The following SNX13 variants were observed in gnomAD, a reference collection of about 807,000 sequenced individuals.
SNX13 encodes sorting nexin 13.
A neutral mutation model predicts 133.6 loss-of-function variants in SNX13; 45 were observed. That is an observed-to-expected ratio of 0.34 (90% CI 0.27 to 0.43). The LOEUF is 0.43. Among genes scored for constraint, SNX13 ranks in the 20% least tolerant of loss-of-function variants. The pLI is 1.00. For missense variants in SNX13, 1,032 were observed against 1,145.1 expected (o/e 0.90, Z 1.43); for synonymous variants, 414 against 373.9 (o/e 1.11, Z -1.24).
intron 8 of SNX13, 56 bp downstream of exon 8, chr7:17,873,472 A>G: frequency 7.9e-7 from 1 of 1,261,148 alleles, no homozygotes; most frequent in Non-Finnish European, 1.0e-6. Flanking sequence ...AAAAATTTTG[A>G]AAACTACTGC....
At chr7:17,935,743 T>C (rs916085556) in intron 1 of SNX13, among the ~76,000 whole-genome samples, 2 of 152,220 alleles carry the variant, frequency 1.3e-5, no homozygotes, top group African/African-American at 4.8e-5. Flanking sequence ...ACTGATGTCC[T>C]TCCACTCCCG....
intron 20 of SNX13, among the ~76,000 whole-genome samples, chr7:17,808,312 A>G (rs1785562657): frequency 6.6e-6 from 1 of 152,228 alleles, no homozygotes; most frequent in South Asian, 2.1e-4. Flanking sequence ...AAGCATACAC[A>G]ACTCTCAATA....
At chr7:17,810,176 C>G (rs1446635832) in intron 20 of SNX13, among the ~76,000 whole-genome samples, 5 of 152,016 alleles carry the variant, frequency 3.3e-5, no homozygotes, top group Non-Finnish European at 7.4e-5. Flanking sequence ...TCAGTGAGTC[C>G]AGGAGCTGGT....
chr7:17,830,513 T>G (rs1788369407), intron 15 of SNX13: 1 of 984,068 alleles, frequency 1.0e-6, no homozygotes. Flanking sequence ...ATAGGTCTAT[T>G]AAGTCCTCTT....
chr7:17,939,353 T>G (rs896910008), intron 1 of SNX13, among the ~76,000 whole-genome samples: 2 of 152,176 alleles, frequency 1.3e-5, no homozygotes, highest in Non-Finnish European at 2.9e-5. Flanking sequence ...GTGAAAGGCT[T>G]CGAAAAAGGT....
At chr7:17,931,502 TAAAAG>T (rs1274775815) in intron 1 of SNX13, among the ~76,000 whole-genome samples, 2 of 151,974 alleles carry the variant, frequency 1.3e-5, no homozygotes, top group Non-Finnish European at 1.5e-5. Context: ...AGCTCGAAAA[TAAAAG>T]AAATCACAAA....
rs547078179 is a variant in SNX13, at chr7:17,832,871, A to G, written c.1597+1181T>C. ...AAACTTCAGTAACTAGATTTCTTAG[A>G]TTATTTAAAAAACAAAATCTCACTA... is the stretch of plus-strand genomic sequence containing the variant. On this transcript the variant is annotated intron_variant, in intron 15 of 25. Coordinates refer to ENST00000428135, the MANE Select transcript of SNX13 (RefSeq NM_015132.5). 1.2e-4 allele frequency among the ~76,000 whole-genome samples: 18 copies of G among 151,604 alleles called. No homozygotes were observed. The South Asian group carries it at 3.7e-3, about 31-fold the overall frequency.
Position 17,873,594 on chromosome 7 carries a change from C to T in SNX13, c.687G>A (p.Glu229=), listed in dbSNP as rs1383755035. 6.4e-7 allele frequency: 1 copy of T among 1,570,854 alleles called. No homozygotes were observed. Among genetic ancestry groups the T allele is most frequent in the East Asian group, 2.3e-5 (1 of 43,134 alleles). The change falls in exon 8 of 26, where the codon GAG becomes GAA. Residue 229 remains glutamate (E), a synonymous_variant. Coordinates refer to ENST00000428135, the MANE Select transcript of SNX13 (RefSeq NM_015132.5). The stretch of plus-strand genomic sequence containing the variant: ...GAGGTAGCAATAAATATAGTAAGAC[C>T]TCACACAAATCCCTTAGGAATCCTA... ...DEEGFLRDLC[E]VLLYLLLPPG... is the part of the protein sequence containing the mutation.
chr7:17,910,399 GCTTT>G (rs1798835842), intron 1 of SNX13, among the ~76,000 whole-genome samples: 1 of 152,120 alleles, frequency 6.6e-6, no homozygotes, highest in Non-Finnish European at 1.5e-5. Context: ...CTAATTTTTG[GCTTT>G]CTTTTTCAAG....
intron 1 of SNX13, among the ~76,000 whole-genome samples, chr7:17,918,747 A>G (rs1799821454): frequency 1.3e-5 from 2 of 152,246 alleles, no homozygotes; most frequent in African/African-American, 4.8e-5. Flanking sequence ...CAATCCCATT[A>G]CTGGGTATTT....
At chr7:17,868,367 T>C (rs1242813286) in intron 9 of SNX13, 40 bp downstream of exon 9, 2 of 1,445,658 alleles carry the variant, frequency 1.4e-6, no homozygotes, top group African/African-American at 2.8e-5. Context: ...ATTTCAAAAA[T>C]TATTTCTAAA....
intron 8 of SNX13, among the ~76,000 whole-genome samples, chr7:17,870,700 T>A (rs1793987032): frequency 6.6e-6 from 1 of 152,208 alleles, no homozygotes; most frequent in South Asian, 2.1e-4. Flanking sequence ...GCATCTGCTA[T>A]GTGCCAAGTA....
intron 10 of SNX13, 138 bp downstream of exon 10, chr7:17,850,688 C>T (rs1196001486): frequency 9.8e-6 from 7 of 713,618 alleles, no homozygotes; most frequent in African/African-American, 9.2e-5. Flanking sequence ...TAACTAAGCA[C>T]ATGTTAACCT....
intron 1 of SNX13, among the ~76,000 whole-genome samples, chr7:17,913,779 AAAAG>A (rs1274485746): frequency 2.2e-5 from 3 of 138,460 alleles, no homozygotes; most frequent in African/African-American, 5.4e-5. Context: ...AAAAAAAAAA[AAAAG>A]AAGCAGCATC....
At position 17,848,624 on chromosome 7, in the gene SNX13, G is replaced by A. The variant is rs139019593; in HGVS notation, c.1065+1723C>T. Among the ~76,000 whole-genome samples the A allele has an allele frequency of 1.5e-3, 229 of 152,242 alleles. 1 individual carries two copies. Among genetic ancestry groups the A allele is most frequent in the Middle Eastern group, 0.01 (3 of 294 alleles). On this transcript the variant is annotated intron_variant, in intron 11 of 25. Coordinates refer to ENST00000428135, the MANE Select transcript of SNX13 (RefSeq NM_015132.5). ...TTGCTCTTGCCAGTGCTAATGCATC[G>A]GCCAGTTCCTCCACCCACTCACCTG...
chr7:17,933,461 T>C (rs1195194634), intron 1 of SNX13, among the ~76,000 whole-genome samples: 1 of 151,708 alleles, frequency 6.6e-6, no homozygotes, highest in Non-Finnish European at 1.5e-5. Flanking sequence ...AAGAATCGCT[T>C]GAACCCGTGA....
intron 2 of SNX13, 99 bp from the exon 3 acceptor site, chr7:17,893,533 A>G: frequency 1.4e-6 from 1 of 725,054 alleles, no homozygotes; most frequent in Non-Finnish European, 2.2e-6. Context: ...CAGATGGCTT[A>G]TCATTTACTA....
intron 9 of SNX13, among the ~76,000 whole-genome samples, chr7:17,868,003 C>G (rs1385039970): frequency 6.6e-6 from 1 of 152,094 alleles, no homozygotes. Context: ...TCTTCTGGTT[C>G]TCATTCTACT....
chr7:17,893,197 G>C, intron 3 of SNX13, 135 bp downstream of exon 3: 1 of 561,810 alleles, frequency 1.8e-6, no homozygotes, highest in Non-Finnish European at 3.1e-6. Flanking sequence ...AGTATAATTA[G>C]ACAATCTCAC....
Sources: allele counts gnomAD v4.1 joint callset (sites outside exome capture counted in the v4.1 genomes callset), GRCh38; gene constraint gnomAD v4.1.1; transcripts MANE v1.5; gene names NCBI Gene and HGNC (gene_info 2026-07-23, HGNC 2026-07-21).